Variants in TAMALIN observed in about 807,000 individuals in gnomAD.
TAMALIN encodes the protein trafficking regulator and scaffold protein tamalin.
Under a neutral mutation model 38.5 loss-of-function variants are expected in TAMALIN, and 9 were observed. The ratio of observed to expected loss-of-function variants is 0.23; its 90% CI spans 0.14 to 0.41. The LOEUF (loss-of-function observed/expected upper bound fraction) is 0.41. Among genes scored for constraint, TAMALIN ranks in the 10% least tolerant of loss-of-function variants. The pLI is 1.00. For synonymous variants in TAMALIN, 306 were observed against 256.5 expected, an observed-to-expected ratio of 1.19 and a Z score of -1.85; for missense variants, 548 against 554.1, an observed-to-expected ratio of 0.99 and a Z score of 0.11.
Position 52,012,974 on chromosome 12 carries a change from C to T in TAMALIN, c.455-713C>T, listed in dbSNP as rs549746749. On this transcript the variant is annotated intron_variant, in intron 4 of 7. Coordinates refer to ENST00000293662, the MANE Select transcript of TAMALIN (RefSeq NM_181711.4). ...CTGGGTGCTGCTCACCTGCTCTTCCCTGAATTGACTGGGTCTTATGGCCAG... is the reference window on the plus strand; with the variant it reads ...CTGGGTGCTGCTCACCTGCTCTTCCTTGAATTGACTGGGTCTTATGGCCAG... 1.7e-4 allele frequency among the ~76,000 whole-genome samples: 26 copies of T among 152,304 alleles called. No individual in the cohort carries two copies. In the South Asian group the frequency reaches 5.0e-3, roughly 29 times the overall value.
rs1489327853 is a variant in TAMALIN, at chr12:52,007,670, G to C, written c.246+405G>C. 4.1e-6 allele frequency: 4 copies of C among 985,290 alleles called. No individual in the cohort carries two copies. Among genetic ancestry groups the C allele is most frequent in the Non-Finnish European group, 4.8e-6 (4 of 829,930 alleles). The allele number at this position is 985,290 out of a possible 1,614,324, so 61.0% of individuals were successfully genotyped here. ...TTGAAGGTCCGAGAGCCCCCGGTGG[G>C]AGAAGCGGGCCGGTGGCTGCGCCGC... is the stretch of plus-strand genomic sequence containing the variant. On this transcript the variant is annotated intron_variant, in intron 1 of 7. Coordinates refer to ENST00000293662, the MANE Select transcript of TAMALIN (RefSeq NM_181711.4). The surrounding 1 kb of genome is among the most constrained non-coding windows in gnomAD (Gnocchi z 6.7).
Position 52,007,396 on chromosome 12 carries a change from C to T in TAMALIN, c.246+131C>T. On this transcript the variant is annotated intron_variant, in intron 1 of 7. Transcript: ENST00000293662. The surrounding 1 kb of genome is among the most constrained non-coding windows in gnomAD (Gnocchi z 6.7). ...CCTTCTTCCCCGGCCCGCTGGGTGC[C>T]TCGACTCCCCGCGTTCCCCGCTGCT... The T allele has an allele frequency of 7.9e-7, 1 of 1,270,318 alleles. No homozygotes were observed. Among genetic ancestry groups the T allele is most frequent in the Non-Finnish European group, 9.9e-7 (1 of 1,009,228 alleles). The allele number at this position is 1,270,318 out of a possible 1,614,324, so 78.7% of individuals were successfully genotyped here.
At chr12:52,010,401 G>A (rs1592271964) in intron 2 of TAMALIN, 1 of 623,536 alleles carries the variant, frequency 1.6e-6, no homozygotes, top group South Asian at 6.5e-5. Context: ...CCCTCCCCCA[G>A]CCCCCACATC....
Position 52,014,749 on chromosome 12 carries a change from C to T in TAMALIN, c.738C>T (p.Cys246=), listed in dbSNP as rs769646852. The T allele has an allele frequency of 2.0e-6, 3 of 1,522,512 alleles. No individual in the cohort carries two copies. The highest frequency in any genetic ancestry group is 2.6e-6 in the Non-Finnish European group (3 of 1,147,314). The allele number at this position is 1,522,512 out of a possible 1,614,324, so 94.3% of individuals were successfully genotyped here. The change falls in exon 8 of 8, where the codon TGC becomes TGT. Residue 246 remains cysteine (C), a synonymous_variant. Coordinates refer to ENST00000293662, the MANE Select transcript of TAMALIN (RefSeq NM_181711.4). Reference sequence around the variant, plus strand: ...ACACGCTGGAGTCGGTGCGCTCCTGCCTCTACGGCGCGGGCCTGCTCCCGG... The same window carrying T: ...ACACGCTGGAGTCGGTGCGCTCCTGTCTCTACGGCGCGGGCCTGCTCCCGG... ...IYDTLESVRS[C]LYGAGLLPGS...
At position 52,013,652 on chromosome 12, in the gene TAMALIN, A is replaced by G. The variant is rs749457132; in HGVS notation, c.455-35A>G. Reference sequence around the variant, plus strand: ...GGAGGCTGGTATTCTAGCATGCCCCATGGAGCAAATCTAACCCCCTTGTCT... The same window carrying G: ...GGAGGCTGGTATTCTAGCATGCCCCGTGGAGCAAATCTAACCCCCTTGTCT... On this transcript the variant is annotated intron_variant, in intron 4 of 7. Transcript: ENST00000293662. The G allele has an allele frequency of 5.0e-6, 8 of 1,595,244 alleles. No homozygotes were observed. In the African/African-American group the frequency reaches 5.4e-5, roughly 11 times the overall value.
At chr12:52,012,844 G>A (rs924401217) in intron 4 of TAMALIN, among the ~76,000 whole-genome samples, 6 of 152,158 alleles carry the variant, frequency 3.9e-5, no homozygotes, top group African/African-American at 1.4e-4. Flanking sequence ...CTATCCCTCT[G>A]GGGGCCAGTC....
Position 52,007,799 on chromosome 12 carries a change from C to T in TAMALIN, c.246+534C>T. Reference sequence around the variant, plus strand: ...CCTGGGCTGGGGGCCTGCCGCCTGGCCCCACGTCTGACGTACGGGGCGCGA... The same window carrying T: ...CCTGGGCTGGGGGCCTGCCGCCTGGTCCCACGTCTGACGTACGGGGCGCGA... On this transcript the variant is annotated intron_variant, in intron 1 of 7. Transcript: ENST00000293662. This position sits in a 1 kb window ranked among gnomAD's most constrained non-coding sequence, Gnocchi z 6.7. The T allele has an allele frequency of 1.0e-6, 1 of 985,430 alleles. No homozygotes were observed. Among genetic ancestry groups the T allele is most frequent in the Non-Finnish European group, 1.2e-6 (1 of 829,918 alleles). 61.0% of individuals were successfully genotyped at this position (985,430 alleles called of 1,614,324 possible).
chr12:52,015,399 A>C lies in TAMALIN; in HGVS notation c.*200A>C. ...CAGCCCCTTCTCTTCTCCCCCGCCA[A>C]ACCACAGTGGGAGCTGGGGCAGGGG... On this transcript the variant is annotated 3_prime_UTR_variant, in exon 8 of 8. Transcript: ENST00000293662. 3 of 599,234 alleles carry C rather than the reference A, an allele frequency of 5.0e-6. No individual in the cohort carries two copies. The highest frequency in any genetic ancestry group is 2.0e-5 in the African/African-American group (1 of 50,294). The allele number at this position is 599,234 out of a possible 1,614,324, so 37.1% of individuals were successfully genotyped here. A position where few individuals can be genotyped will look rare whatever the true frequency, so the allele number is the denominator to read the frequency against.
chr12:52,008,929 T>TAGAG (rs1278811152), intron 1 of TAMALIN, among the ~76,000 whole-genome samples: 1 of 152,160 alleles, frequency 6.6e-6, no homozygotes, highest in African/African-American at 2.4e-5. Flanking sequence ...AGCAAGGGCT[T>TAGAG]AGAGGTTCAT....
chr12:52,013,815 G>C, intron 5 of TAMALIN, 35 bp downstream of exon 5: 1 of 1,613,096 alleles, frequency 6.2e-7, no homozygotes, highest in Non-Finnish European at 8.5e-7. Flanking sequence ...GAATTCCTGA[G>C]CTCAGCCTCT....
At chr12:52,014,058 C>G in intron 6 of TAMALIN, 77 bp from the exon 7 acceptor site, 1 of 1,555,480 alleles carries the variant, frequency 6.4e-7, no homozygotes, top group Middle Eastern at 1.7e-4. Context: ...TGTCTACTCC[C>G]TGATCCCTCG....
At position 52,007,579 on chromosome 12, in the gene TAMALIN, C is replaced by A; in HGVS notation, c.246+314C>A. 1.0e-6 allele frequency: 1 copy of A among 984,470 alleles called. No individual in the cohort carries two copies. Among genetic ancestry groups the A allele is most frequent in the Non-Finnish European group, 1.2e-6 (1 of 829,062 alleles). 61.0% of individuals were successfully genotyped at this position (984,470 alleles called of 1,614,324 possible). A position where few individuals can be genotyped will look rare whatever the true frequency, so the allele number is the denominator to read the frequency against. On this transcript the variant is annotated intron_variant, in intron 1 of 7. Coordinates refer to ENST00000293662, the MANE Select transcript of TAMALIN (RefSeq NM_181711.4). This position sits in a 1 kb window ranked among gnomAD's most constrained non-coding sequence, Gnocchi z 6.7. ...TTTCTGCCCCCCATGCCCCGCCTCC[C>A]CGTGGCCAGGTGTCCTGGGTCCCCA...
chr12:52,007,376 T>G lies in TAMALIN; in HGVS notation c.246+111T>G. ...GGCGTCCGCGGAGTCCCCCACCTTC[T>G]TCCCCGGCCCGCTGGGTGCCTCGAC... On this transcript the variant is annotated intron_variant, in intron 1 of 7. Transcript: ENST00000293662. This position sits in a 1 kb window ranked among gnomAD's most constrained non-coding sequence, Gnocchi z 6.7. 4.6e-5 allele frequency: 58 copies of G among 1,263,150 alleles called. No homozygotes were observed. The highest frequency in any genetic ancestry group is 4.9e-5 in the Non-Finnish European group (49 of 1,004,116). 78.2% of individuals were successfully genotyped at this position (1,263,150 alleles called of 1,614,324 possible).
At position 52,013,202 on chromosome 12, in the gene TAMALIN, C is replaced by G. The variant is rs1011362125; in HGVS notation, c.455-485C>G. Among the ~76,000 whole-genome samples the G allele has an allele frequency of 8.7e-5, 13 of 149,508 alleles. No individual in the cohort carries two copies. The South Asian group carries it at 1.3e-3, about 15-fold the overall frequency. On this transcript the variant is annotated intron_variant, in intron 4 of 7. Coordinates refer to ENST00000293662, the MANE Select transcript of TAMALIN (RefSeq NM_181711.4). ...ACGCCATTCTCCTGCCTCAGCCTCC[C>G]GAGTAGCTGGGACTACAGGCGCCTG...
Position 52,010,921 on chromosome 12 carries a change from G to C in TAMALIN, c.337G>C (p.Gly113Arg), listed in dbSNP as rs1212206972. The C allele has an allele frequency of 1.2e-6, 2 of 1,614,150 alleles. No individual in the cohort carries two copies. Among genetic ancestry groups the C allele is most frequent in the Non-Finnish European group, 1.7e-6 (2 of 1,180,016 alleles). ...GGAGAAGGAGGATAACCAGACCTTCGGCTTTGAGATCCAGGTGGGAGAAGC... is the reference window on the plus strand; with the variant it reads ...GGAGAAGGAGGATAACCAGACCTTCCGCTTTGAGATCCAGGTGGGAGAAGC... Reference protein sequence around the residue: ...TLEKEDNQTFGFEIQTYGLHH... With the variant: ...TLEKEDNQTFRFEIQTYGLHH... Residue 113 changes from glycine to arginine, a missense_variant, in exon 3 of 8, where the codon GGC becomes CGC. Around this residue, in one of 3 missense-constraint regions of TAMALIN, gnomAD observed 415 missense variants for 417.0 expected, o/e 1.00. Transcript: ENST00000293662.
In TAMALIN at chr12:52,011,023, C is replaced by T. The variant is rs1937633153; in HGVS notation, c.352-16C>T. On this transcript the variant is annotated splice_polypyrimidine_tract_variant and intron_variant, in intron 3 of 7. Transcript: ENST00000293662. This position sits in a 1 kb window ranked among gnomAD's most constrained non-coding sequence, Gnocchi z 5.3. The stretch of plus-strand genomic sequence containing the variant: ...TTGTCCCAACCCTGGGCTGAGGGTC[C>T]CCTTGTCCATTACAGACTTATGGCC... 1 of 1,613,780 alleles carries T rather than the reference C, an allele frequency of 6.2e-7. No homozygotes were observed. Among genetic ancestry groups the T allele is most frequent in the Non-Finnish European group, 8.5e-7 (1 of 1,179,970 alleles).
Position 52,015,259 on chromosome 12 carries a change from G to C in TAMALIN, c.*60G>C, listed in dbSNP as rs1210805760. 2 of 1,492,108 alleles carry C rather than the reference G, an allele frequency of 1.3e-6. No individual in the cohort carries two copies. Among genetic ancestry groups the C allele is most frequent in the African/African-American group, 2.9e-5 (2 of 69,078 alleles). The allele number at this position is 1,492,108 out of a possible 1,614,324, so 92.4% of individuals were successfully genotyped here. On this transcript the variant is annotated 3_prime_UTR_variant, in exon 8 of 8. Coordinates refer to ENST00000293662, the MANE Select transcript of TAMALIN (RefSeq NM_181711.4). Reference sequence around the variant, plus strand: ...ATTCGCAACAGCCAGCGCTAAAAGAGGGGGAGGCCGAGCCAAGAGGACCCC... The same window carrying C: ...ATTCGCAACAGCCAGCGCTAAAAGACGGGGAGGCCGAGCCAAGAGGACCCC...
rs1942459513 is a variant in TAMALIN, at chr12:52,009,189, G to C, written c.247-1G>C. The C allele has an allele frequency of 6.2e-7, 1 of 1,613,956 alleles. No homozygotes were observed. On this transcript the variant is annotated splice_acceptor_variant, in intron 1 of 7. Transcript: ENST00000293662. LOFTEE classifies it high-confidence loss of function. ...CTCCTTCTGACCATCTTACTGCCCAGGGCTCAGGATTCCGCTGGAAGAATC... is the reference window on the plus strand; with the variant it reads ...CTCCTTCTGACCATCTTACTGCCCACGGCTCAGGATTCCGCTGGAAGAATC...
At position 52,011,575 on chromosome 12, in the gene TAMALIN, C is replaced by T. The variant is rs376760828; in HGVS notation, c.454+434C>T. 4.7e-5 allele frequency among the ~76,000 whole-genome samples: 7 copies of T among 149,086 alleles called. No homozygotes were observed. Among genetic ancestry groups the T allele is most frequent in the African/African-American group, 1.2e-4 (5 of 40,186 alleles). On this transcript the variant is annotated intron_variant, in intron 4 of 7. Coordinates refer to ENST00000293662, the MANE Select transcript of TAMALIN (RefSeq NM_181711.4). The surrounding 1 kb of genome is among the most constrained non-coding windows in gnomAD (Gnocchi z 5.3). ...CAAAATGGGCCCAGTGCTGAGGAACCGATGTTACTCCCTTTTAAAAAATTA... is the reference window on the plus strand; with the variant it reads ...CAAAATGGGCCCAGTGCTGAGGAACTGATGTTACTCCCTTTTAAAAAATTA...
Sources: allele counts gnomAD v4.1 joint callset (sites outside exome capture counted in the v4.1 genomes callset), GRCh38; gene constraint gnomAD v4.1.1; regional missense constraint gnomAD v4.1.1; non-coding constraint Gnocchi (gnomAD v3.1); transcripts MANE v1.5; gene names NCBI Gene and HGNC (gene_info 2026-07-23, HGNC 2026-07-21).